Variants in PDE1C observed in about 807,000 individuals in gnomAD.
PDE1C encodes dual specificity calcium/calmodulin-dependent 3',5'-cyclic nucleotide phosphodiesterase 1C.
Under a neutral mutation model 93.1 loss-of-function variants are expected in PDE1C, and 62 were observed. That is an observed-to-expected ratio of 0.67 (90% CI 0.54 to 0.82). The LOEUF is 0.82. Ranked by LOEUF, PDE1C falls within the 40% of genes least tolerant of loss-of-function variation. PDE1C has a pLI of 0.00. For missense variants in PDE1C, 742 were observed against 884.6 expected, an observed-to-expected ratio of 0.84 and a Z score of 2.04; for synonymous variants, 325 against 310.1, an observed-to-expected ratio of 1.05 and a Z score of -0.50.
chr7:32,120,869 T>A (rs2128763817), intron 3 of PDE1C, among the ~76,000 whole-genome samples: 1 of 152,202 alleles, frequency 6.6e-6, no homozygotes, highest in South Asian at 2.1e-4. Context: ...AGAGCTGAAC[T>A]GGGGATGAGA....
chr7:32,085,064 G>T (rs1326484093), intron 3 of PDE1C, among the ~76,000 whole-genome samples: 235 of 135,342 alleles, frequency 1.7e-3, no homozygotes, highest in African/African-American at 6.6e-3. Flanking sequence ...GAATCCAGGA[G>T]CTGGTTTTTT....
chr7:31,737,070 T>C, the PDE1C span, among the ~76,000 whole-genome samples: 1 of 152,162 alleles, frequency 6.6e-6, no homozygotes, highest in African/African-American at 2.4e-5. Flanking sequence ...CCTGCCTCAG[T>C]GTCCCAAATA....
At chr7:32,219,812 G>T (rs1248433283) in intron 1 of PDE1C, among the ~76,000 whole-genome samples, 1 of 152,198 alleles carries the variant, frequency 6.6e-6, no homozygotes, top group Admixed American at 6.5e-5. Context: ...ATACAATATT[G>T]ATATGGTTTG....
chr7:32,305,113 T>TG (rs1325142250), intron 1 of PDE1C, among the ~76,000 whole-genome samples: 2 of 152,206 alleles, frequency 1.3e-5, no homozygotes, highest in Non-Finnish European at 2.9e-5. Flanking sequence ...AGCTAGAGTC[T>TG]GGGGCTTGCA....
chr7:32,071,227 C>T, upstream of PDE1C: 9 of 985,426 alleles, frequency 9.1e-6, no homozygotes, highest in Non-Finnish European at 1.1e-5. Context: ...CTCGGCTCCG[C>T]GCGCAAGTAG....
At chr7:32,085,125 AAG>A (rs1481499705) in intron 3 of PDE1C, among the ~76,000 whole-genome samples, 3 of 151,230 alleles carry the variant, frequency 2.0e-5, no homozygotes, top group Non-Finnish European at 4.4e-5. Flanking sequence ...TAAAGAAAAA[AAG>A]AGAGAAGAAT....
the PDE1C span, chr7:31,658,283 C>T: frequency 2.0e-6 from 3 of 1,504,100 alleles, no homozygotes; most frequent in Non-Finnish European, 2.6e-6. Flanking sequence ...GAATTATTGT[C>T]TGCAGAGCTG....
chr7:32,165,062 C>T (rs1222529051), intron 3 of PDE1C, among the ~76,000 whole-genome samples: 1 of 152,156 alleles, frequency 6.6e-6, no homozygotes, highest in Non-Finnish European at 1.5e-5. Flanking sequence ...TTCCCACTTT[C>T]TTCTTTTCAA....
chr7:32,380,168 G>C (rs1784506323), intron 1 of PDE1C, among the ~76,000 whole-genome samples: 1 of 151,782 alleles, frequency 6.6e-6, no homozygotes, highest in Non-Finnish European at 1.5e-5. Context: ...CCCTTTTATA[G>C]TAAAACTCCT....
intron 1 of PDE1C, among the ~76,000 whole-genome samples, chr7:32,307,974 C>T (rs983940389): frequency 6.6e-6 from 1 of 152,216 alleles, no homozygotes; most frequent in Non-Finnish European, 1.5e-5. Flanking sequence ...AGTTCCCTTT[C>T]CTAGTCAAAG....
At chr7:32,349,908 G>A (rs957233386) in intron 1 of PDE1C, among the ~76,000 whole-genome samples, 2 of 152,190 alleles carry the variant, frequency 1.3e-5, no homozygotes, top group Non-Finnish European at 2.9e-5. Context: ...GATTACAGGC[G>A]TGAGCCACCA....
chr7:31,958,214 C>T (rs1393148886), intron 2 of PDE1C, among the ~76,000 whole-genome samples: 1 of 152,198 alleles, frequency 6.6e-6, no homozygotes, highest in African/African-American at 2.4e-5. Flanking sequence ...CAAGCATGTG[C>T]CGTTTTCCAG....
At chr7:31,815,806 A>T (rs1860789) in intron 15 of PDE1C, 118 bp downstream of exon 15, 1 of 761,586 alleles carries the variant, frequency 1.3e-6, no homozygotes, top group Non-Finnish European at 2.3e-6. Flanking sequence ...AAGGAACTGG[A>T]TGAGCAGGGA....
chr7:31,978,898 G>A (rs940251746), intron 2 of PDE1C, among the ~76,000 whole-genome samples: 5 of 151,976 alleles, frequency 3.3e-5, no homozygotes, highest in East Asian at 1.9e-4. Flanking sequence ...CATCACATTC[G>A]GAAAGGTTTG....
the PDE1C span, among the ~76,000 whole-genome samples, chr7:31,723,127 A>C: frequency 1.4e-4 from 22 of 152,110 alleles, no homozygotes; most frequent in Non-Finnish European, 2.6e-4. Flanking sequence ...TTCCTGCTTC[A>C]TGCCACCAAC....
chr7:32,291,429 A>G (rs564926072), intron 1 of PDE1C, among the ~76,000 whole-genome samples: 2 of 152,266 alleles, frequency 1.3e-5, no homozygotes, highest in Admixed American at 6.5e-5. Flanking sequence ...CTAGCCCTGC[A>G]GGCACTCAGA....
chr7:32,425,675 G>T (rs1314527178), intron 1 of PDE1C, among the ~76,000 whole-genome samples: 2 of 152,164 alleles, frequency 1.3e-5, no homozygotes, highest in South Asian at 2.1e-4. Flanking sequence ...AGCAGAAGAA[G>T]AAAAATAGCC....
chr7:32,048,283 T>A (rs1273283847), intron 2 of PDE1C, among the ~76,000 whole-genome samples: 1 of 152,068 alleles, frequency 6.6e-6, no homozygotes, highest in Non-Finnish European at 1.5e-5. Flanking sequence ...CTTGAATGGG[T>A]GGGTTCAGTG....
the PDE1C span, among the ~76,000 whole-genome samples, chr7:31,630,719 C>A: frequency 6.6e-6 from 1 of 151,716 alleles, no homozygotes; most frequent in Non-Finnish European, 1.5e-5. Flanking sequence ...AATAAATGAA[C>A]CTACAAAGAA....
Sources: allele counts gnomAD v4.1 joint callset (sites outside exome capture counted in the v4.1 genomes callset), GRCh38; gene constraint gnomAD v4.1.1; transcripts MANE v1.5; gene names NCBI Gene and HGNC (gene_info 2026-07-23, HGNC 2026-07-21).